ITGAL: variants seen among roughly 807,000 people sequenced by gnomAD.
ITGAL encodes integrin alpha-L.
Under a neutral mutation model 138.4 loss-of-function variants are expected in ITGAL, and 68 were observed. The observed-to-expected ratio is 0.49, with a 90% confidence interval of 0.40 to 0.60. The LOEUF (loss-of-function observed/expected upper bound fraction) is 0.60. Ranked by LOEUF, ITGAL falls within the 20% of genes least tolerant of loss-of-function variation. ITGAL has a pLI of 0.00. For synonymous variants in ITGAL, 561 were observed against 584.3 expected, an observed-to-expected ratio of 0.96 and a Z score of 0.57; for missense variants, 1,256 against 1,478.6, an observed-to-expected ratio of 0.85 and a Z score of 2.47.
intron 9 of ITGAL, among the ~76,000 whole-genome samples, chr16:30,488,231 CAGGAG>C (rs2050675253): frequency 1.3e-5 from 2 of 150,820 alleles, no homozygotes; most frequent in Admixed American, 6.6e-5. Context: ...ATTTCAAAGG[CAGGAG>C]TATCATGATT....
chr16:30,498,197 C>T (rs1205025250), intron 15 of ITGAL, among the ~76,000 whole-genome samples: 6 of 148,194 alleles, frequency 4.0e-5, no homozygotes, highest in East Asian at 4.1e-4. Flanking sequence ...TGGTGGCATG[C>T]GCCTGTAATC....
rs1013666336 is a variant in ITGAL, at chr16:30,498,101, C to T, written c.1833-973C>T. Reference sequence around the variant, plus strand: ...CTGTATACATCTTCAATGGGAGGCACGGGGGGCTTAGTCAGGAGTTCAAGA... The same window carrying T: ...CTGTATACATCTTCAATGGGAGGCATGGGGGGCTTAGTCAGGAGTTCAAGA... On this transcript the variant is annotated intron_variant, in intron 15 of 30. Transcript: ENST00000356798. Among the ~76,000 whole-genome samples, 3 of 151,492 alleles carry T rather than the reference C, an allele frequency of 2.0e-5. No homozygotes were observed. In the Admixed American group the frequency reaches 2.0e-4, roughly 10 times the overall value.
chr16:30,505,427 T>C lies in ITGAL; in HGVS notation c.2331T>C (p.Cys777=). The stretch of plus-strand genomic sequence containing the variant: ...AGAACTGTGGGGAGGACAAGAAGTG[T>C]GAGGCAAACTTGAGAGTGTCCTTCT... ...FEKNCGEDKK[C]EANLRVSFSP... Residue 777 remains cysteine, a synonymous_variant, in exon 20 of 31, where the codon TGT becomes TGC. Transcript: ENST00000356798. 6.2e-7 allele frequency: 1 copy of C among 1,614,028 alleles called. No homozygotes were observed. The highest frequency in any genetic ancestry group is 8.5e-7 in the Non-Finnish European group (1 of 1,180,006).
intron 9 of ITGAL, among the ~76,000 whole-genome samples, chr16:30,486,408 C>CA (rs67561933): frequency 0.15 from 17,664 of 118,664 alleles, 2,159 homozygotes; most frequent in African/African-American, 0.32. Flanking sequence ...AAAACTGTCT[C>CA]AAAAAAAAAA....
intron 30 of ITGAL, 38 bp from the exon 31 acceptor site, chr16:30,521,454 G>A: frequency 6.3e-7 from 1 of 1,590,824 alleles, no homozygotes. Context: ...AAAGTGCTCA[G>A]TGAATTCTTT....
At chr16:30,488,928 C>G in intron 9 of ITGAL, 154 bp from the exon 10 acceptor site, 4 of 663,420 alleles carry the variant, frequency 6.0e-6, no homozygotes, top group Non-Finnish European at 8.3e-6. Context: ...GCCAACTCCG[C>G]ATTAAGCCAC....
chr16:30,488,309 C>A (rs1481763989), intron 9 of ITGAL, among the ~76,000 whole-genome samples: 1 of 151,996 alleles, frequency 6.6e-6, no homozygotes, highest in Non-Finnish European at 1.5e-5. Flanking sequence ...GGTTTCTTAG[C>A]ATGGTTCATT....
chr16:30,519,660 G>A, intron 29 of ITGAL, 197 bp from the exon 30 acceptor site: 1 of 581,948 alleles, frequency 1.7e-6, no homozygotes, highest in Non-Finnish European at 3.1e-6. Context: ...AAGGCCTAGG[G>A]CTGCCTAAGG....
chr16:30,479,580 C>A, intron 6 of ITGAL, 119 bp downstream of exon 6: 1 of 910,752 alleles, frequency 1.1e-6, no homozygotes. Context: ...ATGGCTATAA[C>A]TGGGCCTCTG....
rs892506369 is a variant in ITGAL, at chr16:30,510,412, C to A, written c.2560C>A (p.Leu854Ile). Residue 854 changes from leucine to isoleucine, a missense_variant, in exon 22 of 31, where the codon CTT (leucine) becomes ATT (isoleucine). Physicochemically the swap from Leu to Ile is conservative, Grantham distance 5. Coordinates refer to ENST00000356798, the MANE Select transcript of ITGAL (RefSeq NM_002209.3). ...SCEELPEESR[L>I]LSRALSCNVS... ...CGAGGAGCTTCCTGAAGAGTCCAGG[C>A]TTCTGTCCAGGGCATTATCTTGCAA... 2 of 1,613,444 alleles carry A rather than the reference C, an allele frequency of 1.2e-6. No individual in the cohort carries two copies. Among genetic ancestry groups the A allele is most frequent in the African/African-American group, 2.7e-5 (2 of 74,918 alleles).
At chr16:30,485,899 A>G (rs951344175) in intron 9 of ITGAL, among the ~76,000 whole-genome samples, 4 of 151,994 alleles carry the variant, frequency 2.6e-5, no homozygotes, top group African/African-American at 4.8e-5. Flanking sequence ...GGACTGACCT[A>G]TGTCTTGCTG....
chr16:30,505,166 C>G, intron 18 of ITGAL, 78 bp from the exon 19 acceptor site: 3 of 1,378,134 alleles, frequency 2.2e-6, no homozygotes, highest in Non-Finnish European at 2.9e-6. Context: ...AGCCCCTGCC[C>G]CTCCAGCTCT....
intron 2 of ITGAL, among the ~76,000 whole-genome samples, 196 bp from the exon 3 acceptor site, chr16:30,475,110 C>T (rs34450976): frequency 1.3e-5 from 2 of 152,106 alleles, no homozygotes; most frequent in African/African-American, 4.8e-5. Context: ...CCACCGACAT[C>T]GGCCTCCCAA....
At chr16:30,507,067 A>G (rs1464299997) in intron 21 of ITGAL, among the ~76,000 whole-genome samples, 1 of 152,208 alleles carries the variant, frequency 6.6e-6, no homozygotes, top group Non-Finnish European at 1.5e-5. Flanking sequence ...TCACAACTGT[A>G]ATCCCAACAC....
intron 2 of ITGAL, 113 bp downstream of exon 2, chr16:30,474,411 C>T: frequency 1.4e-6 from 1 of 692,072 alleles, no homozygotes; most frequent in Non-Finnish European, 2.5e-6. Context: ...AGGCAGCTCT[C>T]CAGGGGTTCC....
At position 30,479,480 on chromosome 16, in the gene ITGAL, A is replaced by T; in HGVS notation, c.576+19A>T. 6.2e-7 allele frequency: 1 copy of T among 1,611,566 alleles called. No individual in the cohort carries two copies. The highest frequency in any genetic ancestry group is 1.3e-5 in the African/African-American group (1 of 74,920). On this transcript the variant is annotated intron_variant, in intron 6 of 30. Coordinates refer to ENST00000356798, the MANE Select transcript of ITGAL (RefSeq NM_002209.3). ...GTACCAGGTAAAAAAGTTAGTTAGG[A>T]TTCTTGGTTGCATGCAATAGATGCC... is the stretch of plus-strand genomic sequence containing the variant.
intron 2 of ITGAL, 113 bp from the exon 3 acceptor site, chr16:30,475,193 A>G: frequency 1.3e-6 from 1 of 784,324 alleles, no homozygotes; most frequent in Non-Finnish European, 2.1e-6. Flanking sequence ...CTTGAAGGGG[A>G]ATGGCTGCAG....
At chr16:30,502,929 C>T (rs1031709337) in intron 17 of ITGAL, among the ~76,000 whole-genome samples, 1 of 151,756 alleles carries the variant, frequency 6.6e-6, no homozygotes, top group South Asian at 2.1e-4. Context: ...ATTCTCCCAC[C>T]ACATCCTACC....
chr16:30,489,284 A>C lies in ITGAL; in HGVS notation c.1111A>C (p.Lys371Gln), dbSNP rs2230431. ...TGCAGTCGTGGGGGCAGTAGGAGCCAAGGACTGGGCTGGGGGCTTTCTTGA... is the reference window on the plus strand; with the variant it reads ...TGCAGTCGTGGGGGCAGTAGGAGCCCAGGACTGGGCTGGGGGCTTTCTTGA... ...GHAVVGAVGA[K>Q]DWAGGFLDLK... Residue 371 changes from lysine (K) to glutamine (Q), a missense_variant, in exon 11 of 31, where the codon AAG becomes CAG. By Grantham distance (53) the Lys-to-Gln change is moderately conservative. Coordinates refer to ENST00000356798, the MANE Select transcript of ITGAL (RefSeq NM_002209.3). 124 of 1,613,434 alleles carry C rather than the reference A, an allele frequency of 7.7e-5. 2 individuals are homozygous for C. The East Asian group carries it at 2.2e-3, about 28-fold the overall frequency.
Sources: gnomAD v4.1 joint callset for allele counts (sites outside exome capture counted in the v4.1 genomes callset) on GRCh38, gnomAD v4.1.1 for gene constraint, MANE v1.5 for transcripts, NCBI Gene and HGNC (gene_info 2026-07-23, HGNC 2026-07-21) for gene names.